GPHN: variants seen among roughly 807,000 people sequenced by gnomAD.
The protein encoded by GPHN is gephyrin.
In GPHN, 17 loss-of-function variants were observed where a neutral mutation model predicts 95.5. That is an observed-to-expected ratio of 0.18 (90% CI 0.12 to 0.27). The LOEUF is 0.27. Among genes scored for constraint, GPHN ranks in the 10% least tolerant of loss-of-function variants. GPHN has a pLI of 1.00. For synonymous variants in GPHN, 320 were observed against 322.5 expected, an observed-to-expected ratio of 0.99 and a Z score of 0.08; for missense variants, 660 against 978.1, an observed-to-expected ratio of 0.67 and a Z score of 4.34.
chr14:66,891,432 T>C (rs1306355302), intron 5 of GPHN, among the ~76,000 whole-genome samples: 1 of 152,074 alleles, frequency 6.6e-6, no homozygotes, highest in Non-Finnish European at 1.5e-5. Flanking sequence ...TTGGGAAAAT[T>C]GGATATCCAC....
chr14:67,649,351 G>C, the GPHN span: 1 of 152,050 alleles, frequency 6.6e-6, no homozygotes, highest in Non-Finnish European at 1.5e-5. Flanking sequence ...GTGTGACCCC[G>C]TTTCTACAAA....
At chr14:67,353,075 C>A in the GPHN span, 1 of 1,515,336 alleles carries the variant, frequency 6.6e-7, no homozygotes. Flanking sequence ...GACATCTATT[C>A]TCATTGTTTA....
the GPHN span, among the ~76,000 whole-genome samples, chr14:67,453,398 C>G: frequency 6.6e-6 from 1 of 152,330 alleles, no homozygotes; most frequent in South Asian, 2.1e-4. Flanking sequence ...CCAGCTGAGA[C>G]AGAGGGCCTG....
At chr14:66,728,753 C>T (rs2071487278) in intron 2 of GPHN, among the ~76,000 whole-genome samples, 1 of 152,104 alleles carries the variant, frequency 6.6e-6, no homozygotes, top group African/African-American at 2.4e-5. Context: ...AGGGACTTGC[C>T]TTATCTCAGA....
intron 10 of GPHN, among the ~76,000 whole-genome samples, chr14:67,037,269 G>T (rs929214355): frequency 1.3e-5 from 2 of 151,844 alleles, no homozygotes; most frequent in African/African-American, 4.8e-5. Flanking sequence ...CTTATACCAT[G>T]CACAAAAATT....
the GPHN span, among the ~76,000 whole-genome samples, chr14:67,381,146 T>C: frequency 2.0e-5 from 3 of 152,340 alleles, no homozygotes; most frequent in Non-Finnish European, 4.4e-5. Context: ...TTGCAGAACA[T>C]AGGAATCTTT....
At chr14:67,111,949 C>T (rs1169604987) in intron 15 of GPHN, 30 bp downstream of exon 15, 11 of 1,531,992 alleles carry the variant, frequency 7.2e-6, no homozygotes, top group Non-Finnish European at 9.0e-6. Flanking sequence ...AATATATAGC[C>T]TACTTTTGTT....
intron 19 of GPHN, among the ~76,000 whole-genome samples, chr14:67,163,030 G>A (rs2082056649): frequency 6.6e-6 from 1 of 152,122 alleles, no homozygotes; most frequent in South Asian, 2.1e-4. Context: ...TTTTAGCCAG[G>A]CCCAGTGGCC....
the GPHN span, among the ~76,000 whole-genome samples, chr14:67,544,847 C>A: frequency 2.0e-5 from 3 of 152,180 alleles, no homozygotes; most frequent in Non-Finnish European, 2.9e-5. Flanking sequence ...AATACAAATA[C>A]AGCAGTTGAG....
At chr14:66,517,028 T>C (rs1269598987) in intron 1 of GPHN, among the ~76,000 whole-genome samples, 1 of 143,242 alleles carries the variant, frequency 7.0e-6, no homozygotes, top group East Asian at 2.1e-4. Flanking sequence ...TACTCGGGAG[T>C]GAGGCAGGAG....
intron 8 of GPHN, among the ~76,000 whole-genome samples, chr14:66,930,816 T>C (rs1379288173): frequency 6.6e-6 from 1 of 152,154 alleles, no homozygotes; most frequent in African/African-American, 2.4e-5. Flanking sequence ...TGAGCTACCA[T>C]GCCTATAGTT....
chr14:67,611,143 A>G, the GPHN span: 1 of 153,070 alleles, frequency 6.5e-6, no homozygotes, highest in Non-Finnish European at 1.5e-5. Context: ...GTCATCCATA[A>G]GATGCCCCTG....
At chr14:67,487,863 A>G in the GPHN span, among the ~76,000 whole-genome samples, 3 of 151,210 alleles carry the variant, frequency 2.0e-5, no homozygotes, top group Non-Finnish European at 2.9e-5. Flanking sequence ...CTCTTGGCCA[A>G]CCCTCCCACC....
chr14:67,735,237 C>G, the GPHN span: 21 of 1,395,002 alleles, frequency 1.5e-5, 1 homozygote, highest in Non-Finnish European at 2.1e-5. Flanking sequence ...GGTGCTCCCA[C>G]GAGACACAGC....
At chr14:67,551,003 ATAAGTGTAGCC>A in the GPHN span, among the ~76,000 whole-genome samples, 8 of 152,252 alleles carry the variant, frequency 5.3e-5, no homozygotes, top group Non-Finnish European at 1.2e-4. Flanking sequence ...GTTTAGCTAC[ATAAGTGTAGCC>A]TAAATATCCT....
chr14:66,835,763 T>G (rs1367175586), intron 4 of GPHN, among the ~76,000 whole-genome samples: 3 of 151,932 alleles, frequency 2.0e-5, no homozygotes, highest in Non-Finnish European at 2.9e-5. Context: ...GGATACAAAA[T>G]CAATGTGCAA....
At chr14:67,003,540 C>T (rs2072388699) in intron 9 of GPHN, among the ~76,000 whole-genome samples, 1 of 151,722 alleles carries the variant, frequency 6.6e-6, no homozygotes, top group Non-Finnish European at 1.5e-5. Context: ...CCTTGGACAG[C>T]TCAGTCTTCC....
At chr14:67,105,665 G>A (rs926869283) in intron 13 of GPHN, among the ~76,000 whole-genome samples, 2 of 151,904 alleles carry the variant, frequency 1.3e-5, no homozygotes, top group Non-Finnish European at 2.9e-5. Flanking sequence ...CCTGATTTTG[G>A]TTTCCATTTG....
the GPHN span, chr14:67,735,217 G>A: frequency 6.8e-6 from 10 of 1,460,286 alleles, no homozygotes; most frequent in South Asian, 2.3e-5. Flanking sequence ...ATCATTTCTC[G>A]TGGTGTTCAG....
Sources: allele counts gnomAD v4.1 joint callset (sites outside exome capture counted in the v4.1 genomes callset), GRCh38; gene constraint gnomAD v4.1.1; transcripts MANE v1.5; gene names NCBI Gene and HGNC (gene_info 2026-07-23, HGNC 2026-07-21).